Variants in EXPH5 observed in about 807,000 individuals in gnomAD.
The protein encoded by EXPH5 is exophilin-5.
Under a neutral mutation model 41.1 loss-of-function variants are expected in EXPH5, and 42 were observed. That is an observed-to-expected ratio of 1.02 (90% confidence interval 0.80 to 1.32). The LOEUF is 1.32. EXPH5 is among the 40% of genes most tolerant of loss of function. The probability of loss-of-function intolerance (pLI) is 0.00; values close to 1 mark genes in which losing one functional copy is unlikely to be tolerated. For missense variants in EXPH5, 2,298 were observed against 2,314.5 expected, an observed-to-expected ratio of 0.99 and a Z score of 0.15; for synonymous variants, 798 against 833.5, an observed-to-expected ratio of 0.96 and a Z score of 0.73.
chr11:108,535,587 C>A (rs567924293), intron 3 of EXPH5, among the ~76,000 whole-genome samples: 2 of 152,146 alleles, frequency 1.3e-5, no homozygotes, highest in South Asian at 4.2e-4. Flanking sequence ...AGGCGGGTAA[C>A]AGAGAGAGAT....
At chr11:108,599,504 T>A in the EXPH5 span, among the ~76,000 whole-genome samples, 26,045 of 152,166 alleles carry the variant, frequency 0.17, 3,060 homozygotes, top group African/African-American at 0.33. Flanking sequence ...CCTCTGTAGA[T>A]GTCACAACCT....
the EXPH5 span, among the ~76,000 whole-genome samples, chr11:108,602,383 A>G: frequency 6.6e-6 from 1 of 152,018 alleles, no homozygotes; most frequent in African/African-American, 2.4e-5. Flanking sequence ...CTTCCTTGAT[A>G]GTTTTCAATG....
chr11:108,595,958 T>A (rs1052980505), upstream of EXPH5, among the ~76,000 whole-genome samples: 8 of 152,112 alleles, frequency 5.3e-5, no homozygotes, highest in African/African-American at 1.7e-4. Flanking sequence ...CCCCAGCACT[T>A]TGGGAGGCGG....
chr11:108,568,748 A>G (rs1451331931), intron 1 of EXPH5, among the ~76,000 whole-genome samples: 2 of 152,158 alleles, frequency 1.3e-5, no homozygotes, highest in Non-Finnish European at 2.9e-5. Flanking sequence ...CTGAGTTCAT[A>G]TGAGCTCTCC....
At chr11:108,596,930 G>A (rs2094139629), upstream of EXPH5, among the ~76,000 whole-genome samples, 1 of 152,214 alleles carries the variant, frequency 6.6e-6, no homozygotes, top group Non-Finnish European at 1.5e-5. Flanking sequence ...TTAGCCGGAG[G>A]CAAGCAGCCA....
chr11:108,574,727 A>T (rs2094074257), intron 1 of EXPH5, among the ~76,000 whole-genome samples: 1 of 152,196 alleles, frequency 6.6e-6, no homozygotes, highest in East Asian at 1.9e-4. Context: ...GCTAAGGATG[A>T]CCATATGACA....
At chr11:108,531,726 T>G (rs1212665355) in intron 3 of EXPH5, among the ~76,000 whole-genome samples, 2 of 152,204 alleles carry the variant, frequency 1.3e-5, no homozygotes, top group Non-Finnish European at 2.9e-5. Flanking sequence ...TGGGGCACAC[T>G]TTACCCACTG....
upstream of EXPH5, among the ~76,000 whole-genome samples, chr11:108,595,698 G>T (rs146945661): frequency 6.6e-6 from 1 of 152,316 alleles, no homozygotes; most frequent in Non-Finnish European, 1.5e-5. Flanking sequence ...ATTGCACAAG[G>T]GAGGTGATTG....
chr11:108,583,670 A>C (rs1255266891), intron 1 of EXPH5, among the ~76,000 whole-genome samples: 1 of 151,186 alleles, frequency 6.6e-6, no homozygotes, highest in Non-Finnish European at 1.5e-5. Flanking sequence ...AAAAAAAATT[A>C]ACAAAAAAAT....
chr11:108,587,723 T>C (rs1403716866), intron 1 of EXPH5, among the ~76,000 whole-genome samples: 2 of 152,216 alleles, frequency 1.3e-5, no homozygotes, highest in Non-Finnish European at 2.9e-5. Context: ...ATTCCATATT[T>C]ATTATCCAAA....
chr11:108,518,162 T>G, intron 5 of EXPH5, 73 bp downstream of exon 5: 1 of 1,377,236 alleles, frequency 7.3e-7, no homozygotes, highest in Non-Finnish European at 1.0e-6. Context: ...TTGAGTAGTT[T>G]GATACAAACT....
At chr11:108,564,125 CA>C (rs200566233) in intron 1 of EXPH5, among the ~76,000 whole-genome samples, 276 of 150,022 alleles carry the variant, frequency 1.8e-3, no homozygotes, top group African/African-American at 5.9e-3. Flanking sequence ...ACTAAAAATA[CA>C]AAAAAAAATA....
rs1025246480 is a variant in EXPH5 at position 108,512,203 on chromosome 11, C to T, written c.3304G>A (p.Val1102Ile). 1 of 1,607,954 alleles carries T rather than the reference C, an allele frequency of 6.2e-7. No individual in the cohort carries two copies. Among genetic ancestry groups the T allele is most frequent in the Non-Finnish European group, 8.5e-7 (1 of 1,177,882 alleles). ...ACGGAAGTAGATCCACTGCTTTTTA[C>T]ATTTGTCATTCTCTCTGTGGCTTCA... is the stretch of plus-strand genomic sequence containing the variant. ...APEATERMTNVKSSGSTSVRK... is the reference protein window; with the variant it reads ...APEATERMTNIKSSGSTSVRK... Residue 1102 changes from valine (V) to isoleucine (I), a missense_variant, in exon 6 of 6, where the codon GTA (valine) becomes ATA (isoleucine). Coordinates refer to ENST00000265843, the MANE Select transcript of EXPH5 (RefSeq NM_015065.3).
At chr11:108,530,200 C>T (rs1288469400) in intron 3 of EXPH5, among the ~76,000 whole-genome samples, 1 of 152,140 alleles carries the variant, frequency 6.6e-6, no homozygotes, top group Non-Finnish European at 1.5e-5. Context: ...GAGTTAAATA[C>T]TGCTTTTATT....
chr11:108,593,188 G>T (rs1053651256), intron 1 of EXPH5, among the ~76,000 whole-genome samples: 1 of 141,358 alleles, frequency 7.1e-6, no homozygotes, highest in African/African-American at 2.5e-5. Context: ...CCCCAGACCC[G>T]CAGCCGAGCC....
At chr11:108,533,772 C>T (rs539373825) in intron 3 of EXPH5, among the ~76,000 whole-genome samples, 88 of 152,242 alleles carry the variant, frequency 5.8e-4, no homozygotes, top group Admixed American at 1.6e-3. Flanking sequence ...ATTGCACCCT[C>T]CCCTCTTCAG....
chr11:108,509,793 A>G lies in EXPH5; in HGVS notation c.5714T>C (p.Leu1905Pro), dbSNP rs368184933. The G allele has an allele frequency of 3.5e-5, 56 of 1,611,978 alleles. No homozygotes were observed. The highest frequency in any genetic ancestry group is 4.6e-5 in the Non-Finnish European group (54 of 1,179,506). The change falls in exon 6 of 6, where the codon CTT (leucine) becomes CCT (proline). Residue 1905 changes from leucine (L) to proline (P), a missense_variant. Leu to Pro is a moderately conservative substitution (Grantham distance 98). Coordinates refer to ENST00000265843, the MANE Select transcript of EXPH5 (RefSeq NM_015065.3). Reference protein sequence around the residue: ...LAFLENVKRSLTQGRLWKPSF... With the variant: ...LAFLENVKRSPTQGRLWKPSF... ...TGGTTTCCATAATCTTCCTTGTGTAAGTGACCTCTTTACATTTTCTAAGAA... is the reference window on the plus strand; with the variant it reads ...TGGTTTCCATAATCTTCCTTGTGTAGGTGACCTCTTTACATTTTCTAAGAA...
In EXPH5 at chr11:108,514,079, T is replaced by C; in HGVS notation, c.1428A>G (p.Gly476=). 6.2e-7 allele frequency: 1 copy of C among 1,614,086 alleles called. No homozygotes were observed. Among genetic ancestry groups the C allele is most frequent in the Non-Finnish European group, 8.5e-7 (1 of 1,179,998 alleles). ...FGRSGEQRRF[G]QGPFWGQEKG... ...TCTCTTGGCCCCAAAAAGGACCTTG[T>C]CCAAATCTCCTCTGTTCTCCGCTTC... The change falls in exon 6 of 6, where the codon GGA becomes GGG. Residue 476 remains glycine, a synonymous_variant. Coordinates refer to ENST00000265843, the MANE Select transcript of EXPH5 (RefSeq NM_015065.3).
rs960476881 is a variant in EXPH5, at chr11:108,513,080, G to A, written c.2427C>T (p.Ser809=). 2.5e-6 allele frequency: 4 copies of A among 1,611,586 alleles called. No homozygotes were observed. The highest frequency in any genetic ancestry group is 3.4e-6 in the Non-Finnish European group (4 of 1,179,360). ...TENRKLGSTA[S]LPFIQEHRTP... is the part of the protein sequence containing the mutation. The stretch of plus-strand genomic sequence containing the variant: ...TTCTGTGTTCCTGAATGAAAGGAAG[G>A]GAAGCTGTTGAGCCAAGTTTTCTGT... The change falls in exon 6 of 6, where the codon TCC becomes TCT. Residue 809 remains serine (S), a synonymous_variant. Coordinates refer to ENST00000265843, the MANE Select transcript of EXPH5 (RefSeq NM_015065.3).
Sources: allele counts gnomAD v4.1 joint callset (sites outside exome capture counted in the v4.1 genomes callset), GRCh38; gene constraint gnomAD v4.1.1; transcripts MANE v1.5; gene names NCBI Gene and HGNC (gene_info 2026-07-23, HGNC 2026-07-21).